EXOC2: variants seen among roughly 807,000 people sequenced by gnomAD.
EXOC2 encodes the protein SEC5-like 1.
EXOC2 carries 70 observed loss-of-function variants against 131.8 expected under a neutral mutation model. The ratio of observed to expected loss-of-function variants is 0.53; its 90% CI spans 0.44 to 0.65. The LOEUF (loss-of-function observed/expected upper bound fraction) is 0.65, where lower values mean the gene tolerates loss of function less well. Ranked by LOEUF, EXOC2 falls within the 30% of genes least tolerant of loss-of-function variation. The pLI is 0.00. For missense variants in EXOC2, 923 were observed against 1,108.6 expected, an observed-to-expected ratio of 0.83 and a Z score of 2.38; for synonymous variants, 411 against 398.4, an observed-to-expected ratio of 1.03 and a Z score of -0.38.
chr6:656,115 G>A lies in EXOC2; in HGVS notation c.-43-18254C>T, dbSNP rs756513048. 5 of 1,598,540 alleles carry A rather than the reference G, an allele frequency of 3.1e-6. No homozygotes were observed. The highest frequency in any genetic ancestry group is 1.1e-5 in the South Asian group (1 of 89,874). On this transcript the variant is annotated intron_variant, in intron 1 of 27. Transcript: ENST00000230449. The stretch of plus-strand genomic sequence containing the variant: ...TCTAAGCTGGCTGAATTTTTACAAG[G>A]CAGGAATGAAATACTGAAGAGAGAC...
chr6:491,487 T>A (rs1013923187), intron 25 of EXOC2, among the ~76,000 whole-genome samples: 1 of 152,254 alleles, frequency 6.6e-6, no homozygotes, highest in Non-Finnish European at 1.5e-5. Context: ...CTGTATTTAC[T>A]CTCTAACCAC....
intron 1 of EXOC2, among the ~76,000 whole-genome samples, chr6:668,824 G>A (rs538898996): frequency 6.6e-6 from 1 of 152,248 alleles, no homozygotes; most frequent in Admixed American, 6.5e-5. Context: ...ATCATCTCTA[G>A]ATTACTTATA....
intron 1 of EXOC2, among the ~76,000 whole-genome samples, chr6:660,643 C>G (rs1023121264): frequency 5.3e-5 from 8 of 152,162 alleles, no homozygotes; most frequent in African/African-American, 1.7e-4. Context: ...ACAAAAGAAT[C>G]TGAACAACAG....
chr6:503,807 C>G (rs78275601), intron 23 of EXOC2, among the ~76,000 whole-genome samples: 3 of 152,082 alleles, frequency 2.0e-5, no homozygotes, highest in African/African-American at 7.2e-5. Flanking sequence ...CTCTTCACTC[C>G]GGCCACAGCT....
chr6:579,402 C>CA (rs1758762198), intron 11 of EXOC2, among the ~76,000 whole-genome samples: 1 of 152,102 alleles, frequency 6.6e-6, no homozygotes, highest in South Asian at 2.1e-4. Context: ...TAACCGTGAA[C>CA]AAATTTTCCA....
At chr6:526,630 G>A (rs1281603222) in intron 23 of EXOC2, among the ~76,000 whole-genome samples, 1 of 151,712 alleles carries the variant, frequency 6.6e-6, no homozygotes, top group Admixed American at 6.6e-5. Context: ...AGTAGAGATG[G>A]GGTTTCTCCA....
chr6:610,230 C>T (rs1359839136), intron 6 of EXOC2, 52 bp from the exon 7 acceptor site: 5 of 1,389,146 alleles, frequency 3.6e-6, no homozygotes, highest in African/African-American at 1.4e-5. Context: ...GGTGGAGATA[C>T]ATTAAATCAA....
chr6:689,088 T>A (rs1764797811), intron 1 of EXOC2: 1 of 152,244 alleles, frequency 6.6e-6, no homozygotes, highest in Admixed American at 6.5e-5. Context: ...GTGCTTAAGA[T>A]GTGCCGGGCA....
At chr6:664,574 C>G (rs929007603) in intron 1 of EXOC2, among the ~76,000 whole-genome samples, 5 of 152,164 alleles carry the variant, frequency 3.3e-5, no homozygotes, top group African/African-American at 1.2e-4. Context: ...CAGTGTGGTA[C>G]TGGTATAAAA....
At chr6:495,610 C>T (rs1268314484) in intron 25 of EXOC2, among the ~76,000 whole-genome samples, 1 of 152,158 alleles carries the variant, frequency 6.6e-6, no homozygotes, top group Non-Finnish European at 1.5e-5. Context: ...GAAGAAAGTG[C>T]AGGAGCTCTT....
At chr6:554,710 A>C (rs1757328776) in intron 20 of EXOC2, among the ~76,000 whole-genome samples, 1 of 137,692 alleles carries the variant, frequency 7.3e-6, no homozygotes, top group Admixed American at 7.0e-5. Flanking sequence ...AGTATAATTC[A>C]GAAAGAACGG....
chr6:507,358 C>CCACACA (rs59493114), intron 23 of EXOC2, among the ~76,000 whole-genome samples: 3 of 131,388 alleles, frequency 2.3e-5, no homozygotes, highest in Admixed American at 8.0e-5. Context: ...AGCAGTGACC[C>CCACACA]CACACACACA....
At chr6:628,645 T>C (rs1761699769) in intron 4 of EXOC2, among the ~76,000 whole-genome samples, 1 of 152,236 alleles carries the variant, frequency 6.6e-6, no homozygotes, top group African/African-American at 2.4e-5. Context: ...AACTGGCTCT[T>C]GGTTATGAAG....
chr6:572,451 A>C (rs879576180), intron 13 of EXOC2, 69 bp downstream of exon 13: 214 of 1,531,544 alleles, frequency 1.4e-4, no homozygotes, highest in Non-Finnish European at 1.8e-4. Context: ...AATCACTTAA[A>C]TCTAACATTT....
intron 6 of EXOC2, 83 bp from the exon 7 acceptor site, chr6:610,261 T>C (rs1006008697): frequency 4.2e-6 from 5 of 1,194,152 alleles, no homozygotes; most frequent in Non-Finnish European, 6.1e-6. Flanking sequence ...TTAAACAGCT[T>C]TTTAAAATGG....
intron 7 of EXOC2, among the ~76,000 whole-genome samples, chr6:608,650 G>GAAATAA (rs1380682400): frequency 6.6e-6 from 1 of 151,982 alleles, no homozygotes; most frequent in East Asian, 1.9e-4. Context: ...CTGCTTCAAA[G>GAAATAA]AAATAAAAAA....
chr6:518,025 G>C (rs1765253400), intron 23 of EXOC2, among the ~76,000 whole-genome samples: 1 of 152,196 alleles, frequency 6.6e-6, no homozygotes, highest in Non-Finnish European at 1.5e-5. Context: ...CAAAAGTAAT[G>C]TGTGGACCTT....
intron 23 of EXOC2, among the ~76,000 whole-genome samples, chr6:517,283 G>C (rs900004637): frequency 6.6e-6 from 1 of 152,104 alleles, no homozygotes; most frequent in East Asian, 1.9e-4. Flanking sequence ...TGGCGAGGCT[G>C]TACTGTCAGG....
At chr6:570,235 G>T (rs1323467518) in intron 13 of EXOC2, among the ~76,000 whole-genome samples, 7 of 150,630 alleles carry the variant, frequency 4.6e-5, no homozygotes, top group South Asian at 2.1e-4. Flanking sequence ...CCGGGTTCAC[G>T]CCATTCTCCT....
Sources: gnomAD v4.1 joint callset for allele counts (sites outside exome capture counted in the v4.1 genomes callset) on GRCh38, gnomAD v4.1.1 for gene constraint, MANE v1.5 for transcripts, NCBI Gene and HGNC (gene_info 2026-07-23, HGNC 2026-07-21) for gene names.